Variants in TRPM3 observed in about 807,000 individuals in gnomAD.
TRPM3 encodes the protein transient receptor potential cation channel subfamily M member 3.
Under a neutral mutation model 181.2 loss-of-function variants are expected in TRPM3, and 77 were observed. The observed-to-expected ratio is 0.42, with a 90% CI of 0.35 to 0.51. The LOEUF (loss-of-function observed/expected upper bound fraction) is 0.51. TRPM3 is among the 20% of genes least tolerant of loss of function. The pLI is 0.01. For synonymous variants in TRPM3, 745 were observed against 796.4 expected, an observed-to-expected ratio of 0.94 and a Z score of 1.09; for missense variants, 1,759 against 2,196.7, an observed-to-expected ratio of 0.80 and a Z score of 3.98.
chr9:71,041,563 A>G (rs1360778613), intron 1 of TRPM3, among the ~76,000 whole-genome samples: 1 of 152,146 alleles, frequency 6.6e-6, no homozygotes, highest in Non-Finnish European at 1.5e-5. Flanking sequence ...CAATGTCCAA[A>G]TCGATGCATA....
At chr9:71,348,047 G>T (rs1009603789) in intron 1 of TRPM3, among the ~76,000 whole-genome samples, 2 of 152,074 alleles carry the variant, frequency 1.3e-5, no homozygotes, top group East Asian at 1.9e-4. Context: ...AGTGACAAAT[G>T]ACCTAAAGAA....
chr9:70,700,561 CA>C, intron 8 of TRPM3, among the ~76,000 whole-genome samples: 1 of 152,184 alleles, frequency 6.6e-6, no homozygotes, highest in Non-Finnish European at 1.5e-5. Context: ...TGCTTTTGAA[CA>C]GAGCTATATC....
intron 1 of TRPM3, among the ~76,000 whole-genome samples, chr9:70,942,284 C>T (rs2096893512): frequency 6.6e-6 from 1 of 152,184 alleles, no homozygotes; most frequent in Non-Finnish European, 1.5e-5. Context: ...TACACACATA[C>T]CTGCAAACAC....
At chr9:70,860,207 G>A (rs1489985718) in intron 3 of TRPM3, among the ~76,000 whole-genome samples, 1 of 152,140 alleles carries the variant, frequency 6.6e-6, no homozygotes, top group Non-Finnish European at 1.5e-5. Flanking sequence ...AACTATGCCT[G>A]CTTTATAGAT....
chr9:70,930,337 A>G (rs533863924), intron 1 of TRPM3, among the ~76,000 whole-genome samples: 2 of 152,296 alleles, frequency 1.3e-5, no homozygotes, highest in East Asian at 3.9e-4. Context: ...CTTAATGCAG[A>G]TTACATAATA....
At chr9:71,260,425 A>T (rs1426510271) in intron 1 of TRPM3, among the ~76,000 whole-genome samples, 1 of 152,158 alleles carries the variant, frequency 6.6e-6, no homozygotes, top group Non-Finnish European at 1.5e-5. Flanking sequence ...GAAGGAAGTC[A>T]ATGGTAGCTT....
intron 1 of TRPM3, among the ~76,000 whole-genome samples, chr9:71,104,390 T>C (rs192768427): frequency 1.6e-4 from 25 of 152,336 alleles, no homozygotes; most frequent in African/African-American, 5.5e-4. Context: ...TTACAACTTG[T>C]AGCATTATGT....
chr9:71,173,139 A>G (rs1337839193), intron 1 of TRPM3, among the ~76,000 whole-genome samples: 1 of 152,178 alleles, frequency 6.6e-6, no homozygotes, highest in Non-Finnish European at 1.5e-5. Context: ...CAACTAGACT[A>G]TATGTGCCTT....
chr9:71,377,631 T>C (rs577477450), intron 1 of TRPM3, among the ~76,000 whole-genome samples: 39 of 152,046 alleles, frequency 2.6e-4, no homozygotes, highest in African/African-American at 8.9e-4. Context: ...TTTATTGAAG[T>C]ATAACATATA....
At chr9:70,836,040 GAAT>G (rs997507136) in intron 5 of TRPM3, among the ~76,000 whole-genome samples, 1 of 152,094 alleles carries the variant, frequency 6.6e-6, no homozygotes, top group Non-Finnish European at 1.5e-5. Flanking sequence ...ACAGAAATGT[GAAT>G]ATTATTTTAG....
intron 22 of TRPM3, among the ~76,000 whole-genome samples, chr9:70,569,819 T>C (rs1278443486): frequency 6.6e-6 from 1 of 152,200 alleles, no homozygotes; most frequent in Non-Finnish European, 1.5e-5. Context: ...CTTGCAGTGT[T>C]CTTTTCATTT....
chr9:71,414,480 TC>T (rs2093608261), intron 1 of TRPM3, among the ~76,000 whole-genome samples: 1 of 152,120 alleles, frequency 6.6e-6, no homozygotes, highest in Non-Finnish European at 1.5e-5. Context: ...GCCATTATTC[TC>T]TTGAACAGAT....
chr9:71,096,627 C>A (rs1433647105), intron 1 of TRPM3, among the ~76,000 whole-genome samples: 2 of 150,460 alleles, frequency 1.3e-5, no homozygotes, highest in African/African-American at 4.9e-5. Context: ...CTCTCTCTCC[C>A]CCTCTCCCTC....
At chr9:70,551,988 G>A (rs78612103) in intron 24 of TRPM3, among the ~76,000 whole-genome samples, 4,370 of 152,276 alleles carry the variant, frequency 0.029, 202 homozygotes, top group African/African-American at 0.1. Context: ...TGACCAAATC[G>A]TTTTGGTTTC....
chr9:71,368,001 CATGT>C lies in TRPM3; in HGVS notation c.183+78648_183+78651del, dbSNP rs574052331. Reference sequence around the variant, plus strand: ...ATATGCACATATATGTGCACACACACATGTGAGTGTATGTGTACACACACACATA... The same window carrying C: ...ATATGCACATATATGTGCACACACACGAGTGTATGTGTACACACACACATA... On this transcript the variant is annotated intron_variant, in intron 1 of 24. Transcript: ENST00000357533. Among the ~76,000 whole-genome samples the C allele has an allele frequency of 1.8e-3, 204 of 110,574 alleles. 1 individual carries two copies. Among genetic ancestry groups the C allele is most frequent in the Middle Eastern group, 4.6e-3 (1 of 216 alleles). The allele number at this position is 110,574 out of a possible 152,430, so 72.5% of individuals were successfully genotyped here. A position where few individuals can be genotyped will look rare whatever the true frequency, so the allele number is the denominator to read the frequency against.
intron 1 of TRPM3, among the ~76,000 whole-genome samples, chr9:71,049,664 A>C (rs547904144): frequency 6.6e-6 from 1 of 152,052 alleles, no homozygotes; most frequent in South Asian, 2.1e-4. Flanking sequence ...AGCAATTGAC[A>C]CTTGGCCATT....
chr9:70,656,789 C>T (rs1589871049), intron 9 of TRPM3, among the ~76,000 whole-genome samples: 1 of 152,064 alleles, frequency 6.6e-6, no homozygotes, highest in East Asian at 1.9e-4. Context: ...GGAAAACATT[C>T]TTTCTAAAAA....
intron 1 of TRPM3, among the ~76,000 whole-genome samples, chr9:71,011,701 T>G (rs962392760): frequency 6.6e-6 from 1 of 151,782 alleles, no homozygotes; most frequent in African/African-American, 2.4e-5. Flanking sequence ...TTTACTTAAT[T>G]GCATCTTGAT....
At chr9:71,007,379 T>G (rs1186391175) in intron 1 of TRPM3, among the ~76,000 whole-genome samples, 1 of 152,044 alleles carries the variant, frequency 6.6e-6, no homozygotes, top group Non-Finnish European at 1.5e-5. Flanking sequence ...ACATTTACAG[T>G]AAATTCCACT....
Sources: allele counts gnomAD v4.1 joint callset (sites outside exome capture counted in the v4.1 genomes callset), GRCh38; gene constraint gnomAD v4.1.1; transcripts MANE v1.5; gene names NCBI Gene and HGNC (gene_info 2026-07-23, HGNC 2026-07-21).